Variants in SDK2 observed in about 807,000 individuals in gnomAD.
SDK2 encodes the protein sidekick cell adhesion molecule 2.
In SDK2, 105 loss-of-function variants were observed where a neutral mutation model predicts 253.9. That is an observed-to-expected ratio of 0.41 (90% CI 0.35 to 0.49). The LOEUF is 0.49. Ranked by LOEUF, SDK2 falls within the 20% of genes least tolerant of loss-of-function variation. The pLI, the probability that SDK2 is intolerant of heterozygous loss-of-function variation, is 0.06. For missense variants in SDK2, 2,608 were observed against 3,003.0 expected (o/e 0.87, Z 3.07); for synonymous variants, 1,249 against 1,234.9 (o/e 1.01, Z -0.24).
chr17:73,527,330 G>A (rs2064133793), intron 1 of SDK2, among the ~76,000 whole-genome samples: 1 of 152,218 alleles, frequency 6.6e-6, no homozygotes, highest in Non-Finnish European at 1.5e-5. Flanking sequence ...GGGAAGGGGT[G>A]TGGATGGTGT....
At chr17:73,418,812 C>T (rs563886512) in intron 16 of SDK2, among the ~76,000 whole-genome samples, 5 of 152,288 alleles carry the variant, frequency 3.3e-5, no homozygotes, top group South Asian at 2.1e-4. Flanking sequence ...TCTCCACTCA[C>T]GGGTCAAGAG....
intron 27 of SDK2, among the ~76,000 whole-genome samples, chr17:73,392,411 G>A (rs1200123002): frequency 2.0e-5 from 3 of 152,106 alleles, no homozygotes; most frequent in Admixed American, 2.0e-4. Context: ...TGAGACTACA[G>A]GCGTGTGCCA....
chr17:73,433,889 A>G, intron 9 of SDK2, 41 bp from the exon 10 acceptor site: 1 of 1,389,580 alleles, frequency 7.2e-7, no homozygotes, highest in Non-Finnish European at 9.6e-7. Context: ...ACACCCTGGG[A>G]GATGTCCCCC....
intron 3 of SDK2, among the ~76,000 whole-genome samples, chr17:73,459,070 A>G (rs1324079162): frequency 6.6e-6 from 1 of 152,058 alleles, no homozygotes; most frequent in Admixed American, 6.5e-5. Flanking sequence ...TGCAAACCCA[A>G]TCACCTAAGC....
chr17:73,601,560 A>G (rs533759329), intron 1 of SDK2, among the ~76,000 whole-genome samples: 3 of 152,264 alleles, frequency 2.0e-5, no homozygotes, highest in Admixed American at 2.0e-4. Context: ...AGACATAGGG[A>G]TAGGGCCGAG....
At chr17:73,421,682 C>T (rs2063232271) in intron 15 of SDK2, among the ~76,000 whole-genome samples, 1 of 137,780 alleles carries the variant, frequency 7.3e-6, no homozygotes, top group Non-Finnish European at 1.6e-5. Context: ...GTGCCTCAGC[C>T]TCCCGAGTAG....
At chr17:73,519,653 G>A (rs2064059910) in intron 1 of SDK2, 1 of 152,172 alleles carries the variant, frequency 6.6e-6, no homozygotes, top group African/African-American at 2.4e-5. Context: ...GCTCAGATGA[G>A]AGAGGTACCC....
chr17:73,419,125 C>T, intron 16 of SDK2, 41 bp downstream of exon 16: 1 of 1,601,320 alleles, frequency 6.2e-7, no homozygotes, highest in Non-Finnish European at 8.5e-7. Flanking sequence ...CCATGCCTTT[C>T]CCCTTGGGAC....
At chr17:73,404,688 G>A (rs2063056433) in intron 18 of SDK2, among the ~76,000 whole-genome samples, 1 of 152,160 alleles carries the variant, frequency 6.6e-6, no homozygotes, top group South Asian at 2.1e-4. Context: ...GGACATCTCT[G>A]TGCCTTCTCC....
rs1288383502 is a variant in SDK2, at chr17:73,361,742, G to A, written c.5409C>T (p.Ala1803=). Reference sequence around the variant, plus strand: ...TCTCCGGCCCGTAGGTGAAGGTCTTGGCTCTGATGCGGAACCTGTAGGTCA... The same window carrying A: ...TCTCCGGCCCGTAGGTGAAGGTCTTAGCTCTGATGCGGAACCTGTAGGTCA... ...EGVTYRFRIR[A]KTFTYGPEIE... is the part of the protein sequence containing the mutation. The change falls in exon 39 of 45, where the codon GCC becomes GCT. Residue 1803 remains alanine (A), a synonymous_variant. Coordinates refer to ENST00000392650, the MANE Select transcript of SDK2 (RefSeq NM_001144952.2). This position sits in a 1 kb window ranked among gnomAD's most constrained non-coding sequence, Gnocchi z 4.1. The A allele has an allele frequency of 6.2e-7, 1 of 1,613,690 alleles. No individual in the cohort carries two copies. The highest frequency in any genetic ancestry group is 1.1e-5 in the South Asian group (1 of 91,058).
At chr17:73,518,758 C>G (rs1296219656) in intron 1 of SDK2, 2 of 152,208 alleles carry the variant, frequency 1.3e-5, no homozygotes, top group East Asian at 1.9e-4. Flanking sequence ...AAAATGTTCA[C>G]TAAGTCCTGG....
rs2046088690 is a variant in SDK2, at chr17:73,618,588, G to A, written c.64+25437C>T. 6.6e-6 allele frequency among the ~76,000 whole-genome samples: 1 copy of A among 152,210 alleles called. No homozygotes were observed. Among genetic ancestry groups the A allele is most frequent in the African/African-American group, 2.4e-5 (1 of 41,452 alleles). ...GTCTCCATTTCTGCCCCATGAACAG[G>A]AAGGGTGTTTCCCTTTGGAATCTAG... On this transcript the variant is annotated intron_variant, in intron 1 of 44. Transcript: ENST00000392650. The surrounding 1 kb of genome is among the most constrained non-coding windows in gnomAD (Gnocchi z 4.1).
chr17:73,492,401 G>A (rs2063811809), intron 2 of SDK2, among the ~76,000 whole-genome samples: 1 of 152,140 alleles, frequency 6.6e-6, no homozygotes, highest in Non-Finnish European at 1.5e-5. Context: ...TGGATGTGCT[G>A]TGGGTTGGCC....
At chr17:73,584,991 G>T (rs890686652) in intron 1 of SDK2, among the ~76,000 whole-genome samples, 1 of 152,258 alleles carries the variant, frequency 6.6e-6, no homozygotes, top group Non-Finnish European at 1.5e-5. Context: ...GAAGATTAAA[G>T]GCTGGGGGCA....
intron 36 of SDK2, among the ~76,000 whole-genome samples, chr17:73,375,962 G>A (rs2066512442): frequency 6.6e-6 from 1 of 151,772 alleles, no homozygotes; most frequent in African/African-American, 2.4e-5. Context: ...TTGGGAGGCC[G>A]AGGTGGGTGG....
rs1294078246 is a variant in SDK2 at position 73,379,993 on chromosome 17, G to T, written c.4763-444C>A. Among the ~76,000 whole-genome samples the T allele has an allele frequency of 1.3e-5, 2 of 152,096 alleles. No individual in the cohort carries two copies. Among genetic ancestry groups the T allele is most frequent in the African/African-American group, 2.4e-5 (1 of 41,400 alleles). ...CGGGGCTCAGCTCCAGGGGGGAGGG[G>T]CGCATTGGATGTGAATTCTGGACTA... On this transcript the variant is annotated intron_variant, in intron 34 of 44. Transcript: ENST00000392650. The surrounding 1 kb of genome is among the most constrained non-coding windows in gnomAD (Gnocchi z 4.5).
In SDK2 at chr17:73,348,737, G is replaced by A. The variant is rs202012601; in HGVS notation, c.6039-12C>T. The A allele has an allele frequency of 3.6e-5, 58 of 1,600,796 alleles. No individual in the cohort carries two copies. Among genetic ancestry groups the A allele is most frequent in the East Asian group, 8.9e-5 (4 of 44,700 alleles). On this transcript the variant is annotated splice_polypyrimidine_tract_variant and intron_variant, in intron 43 of 44. Transcript: ENST00000392650. The stretch of plus-strand genomic sequence containing the variant: ...GCCTGGGGGGAGACCTGGAGAGAGC[G>A]GGGGAGTGGGGCCGAGAGGTGCACT...
chr17:73,416,927 T>G (rs932448251), intron 16 of SDK2, among the ~76,000 whole-genome samples: 1 of 152,162 alleles, frequency 6.6e-6, no homozygotes, highest in African/African-American at 2.4e-5. Context: ...GAAAAAGTTT[T>G]AGAGATTTGT....
At position 73,553,731 on chromosome 17, in the gene SDK2, C is replaced by T. The variant is rs146942700; in HGVS notation, c.65-46134G>A. On this transcript the variant is annotated intron_variant, in intron 1 of 44. Coordinates refer to ENST00000392650, the MANE Select transcript of SDK2 (RefSeq NM_001144952.2). ...ACCCTTGTTACAGCATAGCCTTCACCCAGGGATGCCAGTCACCCCCTTCCT... is the reference window on the plus strand; with the variant it reads ...ACCCTTGTTACAGCATAGCCTTCACTCAGGGATGCCAGTCACCCCCTTCCT... Among the ~76,000 whole-genome samples, 203 of 152,268 alleles carry T rather than the reference C, an allele frequency of 1.3e-3. 2 individuals carry two copies. The South Asian group carries it at 0.023, about 17-fold the overall frequency.
Sources: allele counts gnomAD v4.1 joint callset (sites outside exome capture counted in the v4.1 genomes callset), GRCh38; gene constraint gnomAD v4.1.1; non-coding constraint Gnocchi (gnomAD v3.1); transcripts MANE v1.5; gene names NCBI Gene and HGNC (gene_info 2026-07-23, HGNC 2026-07-21).